The following DTL variants were observed in gnomAD, a reference collection of about 807,000 sequenced individuals.
The protein encoded by DTL is denticleless E3 ubiquitin protein ligase adapter, also known as denticleless protein homolog.
DTL carries 46 observed loss-of-function variants against 87.0 expected under a neutral mutation model. The ratio of observed to expected loss-of-function variants is 0.53; its 90% CI spans 0.42 to 0.68. The LOEUF is 0.68. Among genes scored for constraint, DTL ranks in the 30% least tolerant of loss-of-function variants. The pLI is 0.00. For synonymous variants in DTL, 308 were observed against 311.2 expected, an observed-to-expected ratio of 0.99 and a Z score of 0.11; for missense variants, 737 against 869.4, an observed-to-expected ratio of 0.85 and a Z score of 1.91.
At chr1:212,051,445 T>C (rs1667974584) in intron 5 of DTL, 1 of 69,036 alleles carries the variant, frequency 1.4e-5, no homozygotes. Context: ...TGAAATTCTT[T>C]TTTTTTTTTT....
At chr1:212,085,512 G>A (rs1377941254) in intron 13 of DTL, among the ~76,000 whole-genome samples, 1 of 152,102 alleles carries the variant, frequency 6.6e-6, no homozygotes, top group Non-Finnish European at 1.5e-5. Flanking sequence ...TTTTATTGTT[G>A]AGTTGTAAGC....
At chr1:212,040,167 T>C (rs529060610) in intron 1 of DTL, among the ~76,000 whole-genome samples, 114 of 152,052 alleles carry the variant, frequency 7.5e-4, no homozygotes, top group African/African-American at 2.6e-3. Context: ...ATTCTATAAG[T>C]TTTTTTATTT....
chr1:212,066,557 G>C (rs1370579182), intron 7 of DTL, among the ~76,000 whole-genome samples: 1 of 152,154 alleles, frequency 6.6e-6, no homozygotes, highest in Non-Finnish European at 1.5e-5. Context: ...AGATGCAGTA[G>C]GCTCAGACGA....
chr1:212,068,788 A>G, intron 10 of DTL, 85 bp downstream of exon 10: 1 of 825,194 alleles, frequency 1.2e-6, no homozygotes, highest in Non-Finnish European at 2.0e-6. Flanking sequence ...GCTTTCTTCT[A>G]AACTGAACTT....
intron 13 of DTL, among the ~76,000 whole-genome samples, chr1:212,098,286 G>A (rs1655507675): frequency 6.6e-6 from 1 of 152,232 alleles, no homozygotes; most frequent in Non-Finnish European, 1.5e-5. Context: ...AGAATTAGCT[G>A]TTATTTTCTG....
intron 1 of DTL, among the ~76,000 whole-genome samples, chr1:212,041,811 A>G (rs2970590): frequency 0.043 from 6,599 of 152,138 alleles, 191 homozygotes; most frequent in African/African-American, 0.074. Context: ...CGCCCGGCCT[A>G]TTGCATTCTT....
intron 6 of DTL, among the ~76,000 whole-genome samples, chr1:212,064,705 T>C (rs1324289302): frequency 7.2e-5 from 11 of 152,238 alleles, no homozygotes; most frequent in Admixed American, 7.2e-4. Flanking sequence ...CTTGGTTGTT[T>C]CCAAGTTTTG....
chr1:212,087,965 T>C (rs1655179395), intron 13 of DTL, among the ~76,000 whole-genome samples: 1 of 151,488 alleles, frequency 6.6e-6, no homozygotes, highest in African/African-American at 2.4e-5. Context: ...CGGCACCTGC[T>C]TCATTGCTTA....
intron 1 of DTL, among the ~76,000 whole-genome samples, chr1:212,041,802 G>A (rs933436682): frequency 2.6e-5 from 4 of 152,160 alleles, no homozygotes; most frequent in East Asian, 1.9e-4. Context: ...GAGAGACCGC[G>A]CCCGGCCTAT....
Position 212,100,716 on chromosome 1 carries a change from G to A in DTL, c.1726G>A (p.Glu576Lys). ...TGTGAAGAGTTGTAACTGTGTGACT[G>A]AGCTTGATGGCCAAGTTGAAAATCT... Reference protein sequence around the residue: ...KCVKSCNCVTELDGQVENLHL... With the variant: ...KCVKSCNCVTKLDGQVENLHL... Residue 576 changes from glutamate to lysine, a missense_variant, in exon 14 of 15, where the codon GAG becomes AAG. Transcript: ENST00000366991. 2 of 1,614,158 alleles carry A rather than the reference G, an allele frequency of 1.2e-6. No homozygotes were observed. Among genetic ancestry groups the A allele is most frequent in the Non-Finnish European group, 1.7e-6 (2 of 1,180,032 alleles).
At chr1:212,099,580 A>C (rs1181872032) in intron 13 of DTL, 1 of 152,464 alleles carries the variant, frequency 6.6e-6, no homozygotes, top group Non-Finnish European at 1.5e-5. Context: ...AGGTTCTAGC[A>C]GGGGAGCACA....
At chr1:212,042,792 G>A (rs927450632) in intron 1 of DTL, among the ~76,000 whole-genome samples, 2 of 152,172 alleles carry the variant, frequency 1.3e-5, no homozygotes, top group African/African-American at 4.8e-5. Flanking sequence ...TACCTCCCCA[G>A]AAGTTGGAAG....
intron 5 of DTL, among the ~76,000 whole-genome samples, chr1:212,057,432 A>G (rs1409883124): frequency 1.3e-5 from 2 of 152,040 alleles, no homozygotes; most frequent in Non-Finnish European, 2.9e-5. Flanking sequence ...AAAGAGAAAT[A>G]AAGTCTTTCC....
chr1:212,075,705 C>T (rs570949122), intron 11 of DTL, among the ~76,000 whole-genome samples: 20 of 152,200 alleles, frequency 1.3e-4, no homozygotes, highest in African/African-American at 4.8e-4. Flanking sequence ...TCCCATTTTT[C>T]CTTATTCAGA....
chr1:212,078,750 T>C (rs1003022258), intron 12 of DTL, among the ~76,000 whole-genome samples: 4 of 152,208 alleles, frequency 2.6e-5, no homozygotes, highest in Non-Finnish European at 5.9e-5. Flanking sequence ...TGAAATGTTT[T>C]AGATACTCCA....
At chr1:212,095,875 A>T (rs1215858777) in intron 13 of DTL, among the ~76,000 whole-genome samples, 2 of 152,084 alleles carry the variant, frequency 1.3e-5, no homozygotes, top group Non-Finnish European at 2.9e-5. Context: ...TATTAGAGTG[A>T]TACTGGCTTC....
chr1:212,060,035 T>C (rs993298613), intron 5 of DTL, among the ~76,000 whole-genome samples: 1 of 151,890 alleles, frequency 6.6e-6, no homozygotes, highest in Non-Finnish European at 1.5e-5. Context: ...AGGAGACAAA[T>C]GGAAAGAGAC....
intron 1 of DTL, among the ~76,000 whole-genome samples, chr1:212,037,842 A>C: frequency 6.6e-6 from 1 of 152,234 alleles, no homozygotes; most frequent in East Asian, 1.9e-4. Flanking sequence ...GTCAAAAACA[A>C]TCACAAATAT....
In DTL at chr1:212,043,062, C is replaced by T. The variant is rs1344977262; in HGVS notation, c.122C>T (p.Thr41Ile). 2.5e-6 allele frequency: 4 copies of T among 1,613,208 alleles called. No individual in the cohort carries two copies. The African/African-American group carries it at 5.3e-5, about 22-fold the overall frequency. ...CAGTGCAGTGGTAATGATGAACACA[C>T]TTCTTATGGAGAAACAGGAGTCCCA... ...GYQCSGNDEH[T>I]SYGETGVPVP... The change falls in exon 2 of 15, where the codon ACT becomes ATT. Residue 41 changes from threonine to isoleucine, a missense_variant. Transcript: ENST00000366991.
Sources: allele counts gnomAD v4.1 joint callset (sites outside exome capture counted in the v4.1 genomes callset), GRCh38; gene constraint gnomAD v4.1.1; transcripts MANE v1.5; gene names NCBI Gene and HGNC (gene_info 2026-07-23, HGNC 2026-07-21).